Variants in TAFA2 observed in about 807,000 individuals in gnomAD.
TAFA2 encodes the protein TAFA chemokine like family member 2, also known as chemokine-like protein TAFA-2.
TAFA2 carries 7 observed loss-of-function variants against 18.8 expected under a neutral mutation model. The observed-to-expected ratio is 0.37, with a 90% CI of 0.21 to 0.70. The LOEUF is 0.70. Ranked by LOEUF, TAFA2 falls within the 30% of genes least tolerant of loss-of-function variation. TAFA2 has a pLI of 0.53. For missense variants in TAFA2, 122 were observed against 158.1 expected (o/e 0.77, Z 1.23); for synonymous variants, 60 against 54.2 (o/e 1.11, Z -0.47).
chr12:61,745,645 G>A (rs1868667862), intron 4 of TAFA2, among the ~76,000 whole-genome samples: 1 of 151,992 alleles, frequency 6.6e-6, no homozygotes, highest in South Asian at 2.1e-4. Flanking sequence ...ATCCTCCCAT[G>A]TGGTATGCAG....
At chr12:61,846,713 T>G (rs77606281) in intron 2 of TAFA2, among the ~76,000 whole-genome samples, 1,922 of 152,312 alleles carry the variant, frequency 0.013, 17 homozygotes, top group Non-Finnish European at 0.018. Flanking sequence ...ACTAAAACTC[T>G]AATTGCATCC....
At chr12:62,208,987 T>C (rs901225625) in intron 1 of TAFA2, among the ~76,000 whole-genome samples, 8 of 152,224 alleles carry the variant, frequency 5.3e-5, no homozygotes, top group African/African-American at 1.9e-4. Context: ...TCTTTCTTTC[T>C]GCCTGGTTTA....
Position 61,765,386 on chromosome 12 carries a change from G to T in TAFA2, c.107-10362C>A, listed in dbSNP as rs1306810539. On this transcript the variant is annotated intron_variant, in intron 2 of 4. Transcript: ENST00000416284. ...TACATTTAGGCTATGTTAAGCCAAT[G>T]TAATCATAGGCTATGTTAAGCCAAT... Among the ~76,000 whole-genome samples the T allele has an allele frequency of 2.0e-5, 3 of 152,056 alleles. No individual in the cohort carries two copies. The East Asian group carries it at 5.8e-4, about 29-fold the overall frequency.
intron 1 of TAFA2, among the ~76,000 whole-genome samples, chr12:62,091,543 A>G (rs1391787922): frequency 6.6e-6 from 1 of 151,928 alleles, no homozygotes; most frequent in Admixed American, 6.6e-5. Context: ...GAGGAAGGTC[A>G]CCAAACTACC....
chr12:62,101,710 A>G (rs149913293), intron 1 of TAFA2, among the ~76,000 whole-genome samples: 1 of 152,164 alleles, frequency 6.6e-6, no homozygotes, highest in East Asian at 1.9e-4. Context: ...GAGCCCTTTC[A>G]TTTATCTCAA....
intron 2 of TAFA2, among the ~76,000 whole-genome samples, chr12:61,797,740 T>G (rs1871244624): frequency 6.6e-6 from 1 of 152,176 alleles, no homozygotes; most frequent in Admixed American, 6.5e-5. Context: ...GAAGAGACCC[T>G]TTCCATGGCC....
At position 61,807,017 on chromosome 12, in the gene TAFA2, C is replaced by T. The variant is rs1023401841; in HGVS notation, c.107-51993G>A. Among the ~76,000 whole-genome samples the T allele has an allele frequency of 2.0e-5, 3 of 151,872 alleles. No homozygotes were observed. In the East Asian group the frequency reaches 5.8e-4, roughly 29 times the overall value. ...AAATCCCATTCTCTGAGGAGAAATT[C>T]AAGCCAGCTGCAGAAATTTCCATAA... On this transcript the variant is annotated intron_variant, in intron 2 of 4. Coordinates refer to ENST00000416284, the MANE Select transcript of TAFA2 (RefSeq NM_178539.5).
At chr12:62,234,274 A>AT in intron 1 of TAFA2, 1 of 393,630 alleles carries the variant, frequency 2.5e-6, no homozygotes, top group South Asian at 2.1e-5. Context: ...TGCTCTCAGT[A>AT]TTGTAGGCTC....
chr12:61,903,653 T>C (rs1396211928), intron 1 of TAFA2, among the ~76,000 whole-genome samples: 3 of 152,204 alleles, frequency 2.0e-5, no homozygotes, highest in Non-Finnish European at 4.4e-5. Context: ...GCCATGTTTT[T>C]GTTAATTTTC....
At chr12:61,815,775 G>T (rs1365180759) in intron 2 of TAFA2, among the ~76,000 whole-genome samples, 1 of 151,296 alleles carries the variant, frequency 6.6e-6, no homozygotes, top group African/African-American at 2.5e-5. Flanking sequence ...TATTTAGATG[G>T]CATTTACAGC....
chr12:61,906,020 T>G (rs1035649705), intron 1 of TAFA2, among the ~76,000 whole-genome samples: 79 of 152,236 alleles, frequency 5.2e-4, no homozygotes, highest in African/African-American at 1.8e-3. Context: ...GAAAGTATAC[T>G]AATTCAGAGT....
At chr12:62,090,578 G>A (rs1456039775) in intron 1 of TAFA2, among the ~76,000 whole-genome samples, 1 of 151,854 alleles carries the variant, frequency 6.6e-6, no homozygotes, top group African/African-American at 2.4e-5. Context: ...AAATCGTTGG[G>A]GACAGAAATA....
chr12:62,237,576 CCT>C (rs936896586), intron 1 of TAFA2, among the ~76,000 whole-genome samples: 5 of 151,998 alleles, frequency 3.3e-5, no homozygotes, highest in Non-Finnish European at 5.9e-5. Flanking sequence ...GTCATGATTC[CCT>C]GTTTGTTGTT....
intron 1 of TAFA2, among the ~76,000 whole-genome samples, chr12:61,928,446 C>A (rs1316906072): frequency 6.6e-6 from 1 of 152,068 alleles, no homozygotes; most frequent in African/African-American, 2.4e-5. Flanking sequence ...TAGAGAAATC[C>A]AAATCAAAAA....
At position 62,023,510 on chromosome 12, in the gene TAFA2, C is replaced by T. The variant is rs1015527216; in HGVS notation, c.-1-156084G>A. ...AAATCAGATAAAACAAAGAATTTGC[C>T]GTTTTACTGGAGCACTGCACAAACT... On this transcript the variant is annotated intron_variant, in intron 1 of 4. Transcript: ENST00000416284. The T allele has an allele frequency of 3.3e-5, 5 of 151,668 alleles. 1 individual carries two copies. Among genetic ancestry groups the T allele is most frequent in the African/African-American group, 1.2e-4 (5 of 41,180 alleles). 9.4% of individuals were successfully genotyped at this position (151,668 alleles called of 1,614,324 possible).
intron 1 of TAFA2, among the ~76,000 whole-genome samples, chr12:61,955,335 G>A (rs1480304577): frequency 6.6e-6 from 1 of 151,704 alleles, no homozygotes; most frequent in African/African-American, 2.4e-5. Flanking sequence ...CGAGCATGGT[G>A]GCTCACGCCT....
intron 1 of TAFA2, among the ~76,000 whole-genome samples, chr12:62,029,900 A>G (rs1217648565): frequency 1.3e-5 from 2 of 152,002 alleles, no homozygotes; most frequent in African/African-American, 2.4e-5. Flanking sequence ...TAGAGAGTCA[A>G]GATAAGGATA....
At chr12:61,923,153 C>G (rs754839693) in intron 1 of TAFA2, among the ~76,000 whole-genome samples, 2 of 152,174 alleles carry the variant, frequency 1.3e-5, no homozygotes, top group Non-Finnish European at 2.9e-5. Flanking sequence ...GGGGAAGAGG[C>G]GGCTGTAGGT....
intron 2 of TAFA2, among the ~76,000 whole-genome samples, chr12:61,847,619 G>T (rs535797271): frequency 6.6e-6 from 1 of 152,202 alleles, no homozygotes; most frequent in Non-Finnish European, 1.5e-5. Context: ...CAATTAAAAT[G>T]AACTTTCTTA....
Sources: allele counts gnomAD v4.1 joint callset (sites outside exome capture counted in the v4.1 genomes callset), GRCh38; gene constraint gnomAD v4.1.1; transcripts MANE v1.5; gene names NCBI Gene and HGNC (gene_info 2026-07-23, HGNC 2026-07-21).